The following MEF2A variants were observed in gnomAD, a reference collection of about 807,000 sequenced individuals.
MEF2A encodes the protein myocyte-specific enhancer factor 2A.
MEF2A carries 28 observed loss-of-function variants against 55.8 expected under a neutral mutation model. The ratio of observed to expected loss-of-function variants is 0.50; its 90% confidence interval spans 0.37 to 0.69. The LOEUF (loss-of-function observed/expected upper bound fraction) is 0.69, where lower values mean the gene tolerates loss of function less well. Ranked by LOEUF, MEF2A falls within the 30% of genes least tolerant of loss-of-function variation. The pLI is 0.00. For synonymous variants in MEF2A, 239 were observed against 227.1 expected (o/e 1.05, Z -0.47); for missense variants, 528 against 626.2 (o/e 0.84, Z 1.67).
At chr15:99,607,599 C>T (rs1975614963) in intron 2 of MEF2A, among the ~76,000 whole-genome samples, 1 of 151,998 alleles carries the variant, frequency 6.6e-6, no homozygotes, top group Non-Finnish European at 1.5e-5. Context: ...GTTATGACAT[C>T]CTGAGAAGTA....
At chr15:99,668,306 T>G (rs956376270) in intron 4 of MEF2A, among the ~76,000 whole-genome samples, 2 of 152,242 alleles carry the variant, frequency 1.3e-5, no homozygotes, top group Middle Eastern at 3.2e-3. Context: ...TTAAATTGAT[T>G]AATAATTACT....
At chr15:99,566,737 T>C (rs2152646512) in intron 1 of MEF2A, 1 of 152,404 alleles carries the variant, frequency 6.6e-6, no homozygotes, top group Non-Finnish European at 1.5e-5. Flanking sequence ...TGGGAGAAGA[T>C]TGGTCTAACG....
intron 4 of MEF2A, among the ~76,000 whole-genome samples, chr15:99,661,296 A>G (rs945608767): frequency 6.6e-6 from 1 of 152,166 alleles, no homozygotes; most frequent in Non-Finnish European, 1.5e-5. Context: ...GAATATCTTC[A>G]TAATTTTGGA....
intron 6 of MEF2A, 132 bp from the exon 7 acceptor site, chr15:99,675,267 G>A: frequency 2.6e-6 from 2 of 783,834 alleles, no homozygotes; most frequent in Middle Eastern, 2.5e-4. Context: ...TTCAGACTGA[G>A]CTAGTTTTTA....
In MEF2A at chr15:99,713,057, G is replaced by A. The variant is rs2058835952; in HGVS notation, c.*286G>A. 2 of 472,914 alleles carry A rather than the reference G, an allele frequency of 4.2e-6. No individual in the cohort carries two copies. The highest frequency in any genetic ancestry group is 3.1e-5 in the East Asian group (1 of 32,400). The allele number at this position is 472,914 out of a possible 1,614,324, so 29.3% of individuals were successfully genotyped here. ...AGTCTGGCACTTCCTTGGACTACTTGTTTCGTAAAGATAACCAGTTTTTGC... is the reference window on the plus strand; with the variant it reads ...AGTCTGGCACTTCCTTGGACTACTTATTTCGTAAAGATAACCAGTTTTTGC... On this transcript the variant is annotated 3_prime_UTR_variant, in exon 12 of 12. Transcript: ENST00000557942.
At chr15:99,608,903 A>G (rs550784066) in intron 2 of MEF2A, among the ~76,000 whole-genome samples, 2 of 146,536 alleles carry the variant, frequency 1.4e-5, no homozygotes, top group South Asian at 2.1e-4. Flanking sequence ...CTCCGTCTCA[A>G]AAAAAAAAAA....
intron 2 of MEF2A, among the ~76,000 whole-genome samples, chr15:99,602,653 G>GGGGGGTGTGT (rs1555454713): frequency 4.5e-5 from 2 of 44,870 alleles, no homozygotes; most frequent in East Asian, 8.7e-4. Context: ...ACATTCCTGG[G>GGGGGGTGTGT]GTGTGTGTGT....
intron 4 of MEF2A, among the ~76,000 whole-genome samples, chr15:99,666,665 G>A (rs12899541): frequency 0.051 from 7,751 of 151,550 alleles, 229 homozygotes; most frequent in African/African-American, 0.08. Flanking sequence ...CTTCTTTTAG[G>A]TAAAACTGGT....
At chr15:99,590,801 T>A (rs1969008284) in intron 1 of MEF2A, among the ~76,000 whole-genome samples, 1 of 152,088 alleles carries the variant, frequency 6.6e-6, no homozygotes, top group Non-Finnish European at 1.5e-5. Flanking sequence ...TGTCATTGAT[T>A]TTATTCTACA....
At chr15:99,708,888 T>C (rs747048364) in intron 10 of MEF2A, among the ~76,000 whole-genome samples, 2 of 152,018 alleles carry the variant, frequency 1.3e-5, no homozygotes, top group African/African-American at 4.8e-5. Flanking sequence ...GGGACGGGGC[T>C]GAAGGAATGG....
At chr15:99,669,752 G>A (rs975072286) in intron 4 of MEF2A, among the ~76,000 whole-genome samples, 3 of 152,092 alleles carry the variant, frequency 2.0e-5, no homozygotes, top group Admixed American at 6.5e-5. Context: ...AAAAATTCTT[G>A]AATCTTAATG....
At chr15:99,666,059 C>G (rs1417088031) in intron 4 of MEF2A, among the ~76,000 whole-genome samples, 1 of 152,086 alleles carries the variant, frequency 6.6e-6, no homozygotes, top group African/African-American at 2.4e-5. Flanking sequence ...ACTAGAAATA[C>G]CATTTGACCC....
chr15:99,648,064 A>G (rs926258282), intron 4 of MEF2A, among the ~76,000 whole-genome samples: 2 of 152,204 alleles, frequency 1.3e-5, no homozygotes, highest in Admixed American at 6.5e-5. Flanking sequence ...ACAGTTTGCT[A>G]TGGTTCAAAT....
chr15:99,599,546 A>G (rs1596374559), intron 2 of MEF2A, among the ~76,000 whole-genome samples: 1 of 152,234 alleles, frequency 6.6e-6, no homozygotes, highest in Non-Finnish European at 1.5e-5. Flanking sequence ...TCAGTTTCAT[A>G]TGGTTATATA....
chr15:99,583,194 GATT>G, intron 1 of MEF2A, among the ~76,000 whole-genome samples: 1 of 152,160 alleles, frequency 6.6e-6, no homozygotes, highest in South Asian at 2.1e-4. Context: ...TTTCGATATA[GATT>G]AGATTGGTAG....
intron 4 of MEF2A, among the ~76,000 whole-genome samples, chr15:99,656,604 G>A (rs1309219540): frequency 6.6e-6 from 1 of 152,098 alleles, no homozygotes; most frequent in Admixed American, 6.6e-5. Flanking sequence ...TTCATGATTG[G>A]AGTATACATT....
At chr15:99,577,242 A>G (rs989577022) in intron 1 of MEF2A, among the ~76,000 whole-genome samples, 1 of 152,236 alleles carries the variant, frequency 6.6e-6, no homozygotes, top group African/African-American at 2.4e-5. Flanking sequence ...TCCAGGAGTT[A>G]TTGAGTTCAA....
chr15:99,687,078 A>ATTTT (rs1232619647), intron 7 of MEF2A, among the ~76,000 whole-genome samples: 1 of 78,698 alleles, frequency 1.3e-5, no homozygotes, highest in Non-Finnish European at 2.5e-5. Context: ...TGTCCTATTA[A>ATTTT]TTTTTCTTTT....
chr15:99,623,838 G>A (rs370377065), intron 2 of MEF2A, among the ~76,000 whole-genome samples: 4 of 147,504 alleles, frequency 2.7e-5, no homozygotes, highest in East Asian at 2.0e-4. Flanking sequence ...ACGGGGTTTC[G>A]CCCTTGTTGC....
Sources: gnomAD v4.1 joint callset for allele counts (sites outside exome capture counted in the v4.1 genomes callset) on GRCh38, gnomAD v4.1.1 for gene constraint, MANE v1.5 for transcripts, NCBI Gene and HGNC (gene_info 2026-07-23, HGNC 2026-07-21) for gene names.